Variants in RALGPS2 observed in about 807,000 individuals in gnomAD.
The protein encoded by RALGPS2 is Ral GEF with PH domain and SH3 binding motif 2, also known as ras-specific guanine nucleotide-releasing factor RalGPS2.
In RALGPS2, 43 loss-of-function variants were observed where a neutral mutation model predicts 86.8. That is an observed-to-expected ratio of 0.50 (90% CI 0.39 to 0.64). The LOEUF is 0.64. Among genes scored for constraint, RALGPS2 ranks in the 30% least tolerant of loss-of-function variants. The pLI is 0.00. For missense variants in RALGPS2, 536 were observed against 694.6 expected (o/e 0.77, Z 2.57); for synonymous variants, 243 against 231.3 (o/e 1.05, Z -0.46).
intron 8 of RALGPS2, among the ~76,000 whole-genome samples, chr1:178,867,067 CAG>C (rs778389414): frequency 9.9e-5 from 15 of 152,124 alleles, no homozygotes; most frequent in Non-Finnish European, 1.8e-4. Flanking sequence ...TACCCTAAGA[CAG>C]AGCTTTTCTG....
chr1:178,824,205 T>A (rs989612623), intron 7 of RALGPS2, among the ~76,000 whole-genome samples: 1 of 152,082 alleles, frequency 6.6e-6, no homozygotes, highest in Non-Finnish European at 1.5e-5. Context: ...AAAAACTGAC[T>A]GGAGTTGAGA....
intron 19 of RALGPS2, among the ~76,000 whole-genome samples, chr1:178,911,039 T>A (rs1437756650): frequency 1.3e-5 from 2 of 152,200 alleles, no homozygotes; most frequent in African/African-American, 4.8e-5. Flanking sequence ...TTTTCTAGTT[T>A]GTGTGCATAT....
At chr1:178,728,346 T>G (rs1650144004) in intron 1 of RALGPS2, among the ~76,000 whole-genome samples, 1 of 151,356 alleles carries the variant, frequency 6.6e-6, no homozygotes, top group East Asian at 1.9e-4. Context: ...ATTTATTGAA[T>G]CAAATTTGTT....
intron 1 of RALGPS2, among the ~76,000 whole-genome samples, chr1:178,760,562 G>C (rs759301764): frequency 1.3e-5 from 2 of 152,052 alleles, no homozygotes; most frequent in Non-Finnish European, 2.9e-5. Context: ...GAGCCTATGG[G>C]TGTCATTAGA....
In RALGPS2 at chr1:178,841,310, G is replaced by C. The variant is rs1314975753; in HGVS notation, c.607+7760G>C. 4.0e-5 allele frequency among the ~76,000 whole-genome samples: 6 copies of C among 150,806 alleles called. 1 individual carries two copies. The highest frequency in any genetic ancestry group is 8.9e-5 in the Non-Finnish European group (6 of 67,684). ...CAAAAAGCTTATCCACCATGATCAA[G>C]TGGGCTTCATCGCTGGGATGCAAGG... On this transcript the variant is annotated intron_variant, in intron 8 of 19. Transcript: ENST00000367635.
At chr1:178,757,205 G>A (rs187302727) in intron 1 of RALGPS2, among the ~76,000 whole-genome samples, 6 of 152,224 alleles carry the variant, frequency 3.9e-5, no homozygotes, top group East Asian at 3.9e-4. Flanking sequence ...GCCCGTTTGC[G>A]GTCTTTAGGG....
rs1174137857 is a variant in RALGPS2, at chr1:178,919,525, C to T, written c.*3166C>T. 6.6e-6 allele frequency: 1 copy of T among 152,006 alleles called. No homozygotes were observed. Among genetic ancestry groups the T allele is most frequent in the African/African-American group, 2.4e-5 (1 of 41,446 alleles). The allele number at this position is 152,006 out of a possible 1,614,324, so 9.4% of individuals were successfully genotyped here. On this transcript the variant is annotated 3_prime_UTR_variant, in exon 20 of 20. Transcript: ENST00000367635. ...GAAAAAAGAATGGAAAACATGTTTA[C>T]AGACTCTAGCTTTCCTTATTAGCTT...
chr1:178,884,028 A>C (rs1030346427), intron 11 of RALGPS2, among the ~76,000 whole-genome samples: 4 of 152,202 alleles, frequency 2.6e-5, no homozygotes, highest in Admixed American at 6.5e-5. Context: ...AGTAGTGTAC[A>C]AACAAGTATG....
chr1:178,807,740 A>G (rs1558128440), intron 4 of RALGPS2, among the ~76,000 whole-genome samples: 1 of 152,134 alleles, frequency 6.6e-6, no homozygotes. Context: ...ATGTTGTGGG[A>G]TGCTCATCTT....
intron 7 of RALGPS2, among the ~76,000 whole-genome samples, chr1:178,830,091 GTAAC>G (rs1655943702): frequency 6.6e-6 from 1 of 152,132 alleles, no homozygotes; most frequent in Non-Finnish European, 1.5e-5. Flanking sequence ...TACATAAGAA[GTAAC>G]TAACTTTGTG....
intron 8 of RALGPS2, among the ~76,000 whole-genome samples, chr1:178,854,936 G>A (rs758604960): frequency 2.7e-4 from 41 of 152,018 alleles, no homozygotes; most frequent in Admixed American, 6.6e-4. Flanking sequence ...CCAGTGTTTC[G>A]AGCCTTTTTT....
At chr1:178,865,322 G>A (rs1264819792) in intron 8 of RALGPS2, 4 of 1,613,880 alleles carry the variant, frequency 2.5e-6, no homozygotes, top group Non-Finnish European at 3.4e-6. Context: ...TTCCAGTTGG[G>A]AAAGTTCAAG....
chr1:178,816,934 C>T (rs1006567522), intron 6 of RALGPS2, among the ~76,000 whole-genome samples: 2 of 151,860 alleles, frequency 1.3e-5, no homozygotes, highest in Non-Finnish European at 1.5e-5. Flanking sequence ...GTCTCGAACT[C>T]CTGACTCAGG....
chr1:178,829,937 G>A (rs576832481), intron 7 of RALGPS2, among the ~76,000 whole-genome samples: 7 of 152,064 alleles, frequency 4.6e-5, no homozygotes, highest in African/African-American at 1.4e-4. Flanking sequence ...TAGAGATGGC[G>A]TTTTGCCTTG....
chr1:178,851,144 G>C, intron 8 of RALGPS2: 1 of 1,613,104 alleles, frequency 6.2e-7, no homozygotes, highest in Non-Finnish European at 8.5e-7. Context: ...CAATAGGCTT[G>C]ATCATCATCT....
At chr1:178,746,600 G>A in intron 1 of RALGPS2, 1 of 723,082 alleles carries the variant, frequency 1.4e-6, no homozygotes, top group Non-Finnish European at 2.6e-6. Flanking sequence ...CCTCACTTAA[G>A]TTTCCAGAGT....
chr1:178,762,479 A>T lies in RALGPS2; in HGVS notation c.-83-14203A>T, dbSNP rs185064355. Reference sequence around the variant, plus strand: ...GAATTTACATTCCCACCAGCAGCGCATAAACATTTCCAGTTCTCTGCAGCC... The same window carrying T: ...GAATTTACATTCCCACCAGCAGCGCTTAAACATTTCCAGTTCTCTGCAGCC... On this transcript the variant is annotated intron_variant, in intron 1 of 19. Transcript: ENST00000367635. 1.3e-4 allele frequency among the ~76,000 whole-genome samples: 20 copies of T among 152,336 alleles called. No homozygotes were observed. The East Asian group carries it at 3.5e-3, about 26-fold the overall frequency.
intron 4 of RALGPS2, among the ~76,000 whole-genome samples, chr1:178,796,412 T>C (rs1454816747): frequency 6.6e-6 from 1 of 152,202 alleles, no homozygotes; most frequent in Non-Finnish European, 1.5e-5. Flanking sequence ...GGCTGAATGC[T>C]AATGGATATG....
intron 10 of RALGPS2, among the ~76,000 whole-genome samples, chr1:178,880,334 A>G (rs1659191965): frequency 6.6e-6 from 1 of 152,206 alleles, no homozygotes; most frequent in South Asian, 2.1e-4. Flanking sequence ...AATTTTTCTA[A>G]ATGCATCTAA....
Sources: gnomAD v4.1 joint callset for allele counts (sites outside exome capture counted in the v4.1 genomes callset) on GRCh38, gnomAD v4.1.1 for gene constraint, MANE v1.5 for transcripts, NCBI Gene and HGNC (gene_info 2026-07-23, HGNC 2026-07-21) for gene names.